Variants in CENPX observed in about 807,000 individuals in gnomAD.
CENPX encodes the protein FANCM associated histone fold protein 2.
CENPX carries 13 observed loss-of-function variants against 13.2 expected under a neutral mutation model. The observed-to-expected ratio is 0.98, with a 90% CI of 0.64 to 1.56. The LOEUF (loss-of-function observed/expected upper bound fraction) is 1.56, where lower values mean the gene tolerates loss of function less well. Ranked by LOEUF, CENPX falls within the 40% of genes most tolerant of loss-of-function variation. The pLI, the probability that CENPX is intolerant of heterozygous loss-of-function variation, is 0.00. For synonymous variants in CENPX, 66 were observed against 47.2 expected (o/e 1.40, Z -1.63); for missense variants, 138 against 107.5 (o/e 1.28, Z -1.26).
At chr17:82,022,293 G>A (rs1204048370) in intron 1 of CENPX, among the ~76,000 whole-genome samples, 2 of 152,248 alleles carry the variant, frequency 1.3e-5, no homozygotes, top group Admixed American at 6.5e-5. Flanking sequence ...TCCACTGGCA[G>A]GTGGGGTTAA....
At chr17:82,020,137 T>C (rs1342294062) in intron 1 of CENPX, among the ~76,000 whole-genome samples, 3 of 152,204 alleles carry the variant, frequency 2.0e-5, no homozygotes, top group Admixed American at 2.0e-4. Context: ...GCACAGGGTC[T>C]GGGCTGGGAG....
chr17:82,019,120 CT>C lies in CENPX; in HGVS notation c.*84del. 6.7e-7 allele frequency: 1 copy of C among 1,483,030 alleles called. No individual in the cohort carries two copies. Among genetic ancestry groups the C allele is most frequent in the Non-Finnish European group, 9.0e-7 (1 of 1,115,686 alleles). The allele number at this position is 1,483,030 out of a possible 1,614,324, so 91.9% of individuals were successfully genotyped here. A position where few individuals can be genotyped will look rare whatever the true frequency, so the allele number is the denominator to read the frequency against. On this transcript the variant is annotated 3_prime_UTR_variant, in exon 5 of 5. Coordinates refer to ENST00000392359, the MANE Select transcript of CENPX (RefSeq NM_001271006.2). ...AAATCCTTCAGGTCCTTCCCTGCCT[CT>C]TATCAGAGGCCGCTGGAAACACAAG...
intron 1 of CENPX, among the ~76,000 whole-genome samples, chr17:82,021,464 C>T (rs956478921): frequency 6.6e-6 from 1 of 152,266 alleles, no homozygotes; most frequent in Non-Finnish European, 1.5e-5. Flanking sequence ...GTGGCGGATG[C>T]CAGGTCTGCC....
At chr17:82,022,779 G>C (rs1247931519) in intron 1 of CENPX, 47 bp downstream of exon 1, 2 of 1,547,554 alleles carry the variant, frequency 1.3e-6, no homozygotes, top group Non-Finnish European at 1.7e-6. Context: ...GCGTGAGGTC[G>C]GGACGGAGCG....
Position 82,019,659 on chromosome 17 carries a change from G to C in CENPX, c.124C>G (p.Leu42Val). 1 of 1,550,298 alleles carries C rather than the reference G, an allele frequency of 6.5e-7. No individual in the cohort carries two copies. Among genetic ancestry groups the C allele is most frequent in the Non-Finnish European group, 8.7e-7 (1 of 1,146,958 alleles). Residue 42 changes from leucine to valine, a missense_variant, in exon 3 of 5, where the codon CTG becomes GTG. Transcript: ENST00000392359. ...GDALQLMVEL[L>V]KVFVVEAAVR... ...GGCTCACCCACAACGAAGACCTTCA[G>C]CAACTCCACCATGAGCTGCAGCGCG...
rs1335821672 is a variant in CENPX at position 82,019,307 on chromosome 17, CCTT to C, written c.214_216del (p.Lys72del). On this transcript the variant is annotated inframe_deletion, in exon 4 of 5. Transcript: ENST00000392359. ...CGCTCACGCACCAGCTGCGGAAGCA[CCTT>C]CTCCAGCTGGTCCACGTCCACACGG... is the stretch of plus-strand genomic sequence containing the variant. The C allele has an allele frequency of 1.9e-6, 3 of 1,592,898 alleles. No individual in the cohort carries two copies. Among genetic ancestry groups the C allele is most frequent in the African/African-American group, 1.3e-5 (1 of 74,912 alleles).
chr17:82,019,539 T>C (rs942150819), intron 3 of CENPX, 102 bp downstream of exon 3: 4 of 1,543,692 alleles, frequency 2.6e-6, no homozygotes, highest in Non-Finnish European at 3.5e-6. Flanking sequence ...GACCCAAGTT[T>C]AGGCCCTTGT....
chr17:82,018,824 G>C lies in CENPX; in HGVS notation c.*381C>G. The C allele has an allele frequency of 3.1e-6, 1 of 320,548 alleles. No individual in the cohort carries two copies. Among genetic ancestry groups the C allele is most frequent in the South Asian group, 1.6e-4 (1 of 6,396 alleles). 19.9% of individuals were successfully genotyped at this position (320,548 alleles called of 1,614,324 possible). On this transcript the variant is annotated 3_prime_UTR_variant, in exon 5 of 5. Transcript: ENST00000392359. ...GGTCACACGCCAGCTTTGATGTCGGGTGGCAGGAATGTGGGCAGGAGGCAG... is the reference window on the plus strand; with the variant it reads ...GGTCACACGCCAGCTTTGATGTCGGCTGGCAGGAATGTGGGCAGGAGGCAG...
chr17:82,019,242 G>GGGCC, intron 4 of CENPX, 23 bp from the exon 5 acceptor site: 1 of 1,596,320 alleles, frequency 6.3e-7, no homozygotes, highest in South Asian at 1.1e-5. Context: ...GAAGCACTTA[G>GGGCC]GGCCAGCCAG....
chr17:82,022,869 G>T lies in CENPX; in HGVS notation c.-8C>A. ...AGCTCCTGCTCCCTCCATGACCGCA[G>T]CCTCAACGCGCGCCCACCGGAACCC... On this transcript the variant is annotated 5_prime_UTR_variant, in exon 1 of 5. The change creates a new upstream start codon in the 5' untranslated region. Transcript: ENST00000392359. 1 of 1,589,120 alleles carries T rather than the reference G, an allele frequency of 6.3e-7. No homozygotes were observed. The highest frequency in any genetic ancestry group is 8.5e-7 in the Non-Finnish European group (1 of 1,171,126).
chr17:82,021,416 T>A (rs2144126951), intron 1 of CENPX, among the ~76,000 whole-genome samples: 1 of 152,336 alleles, frequency 6.6e-6, no homozygotes, highest in South Asian at 2.1e-4. Context: ...CCCCCAACAC[T>A]GCTGCCCCAG....
Position 82,022,866 on chromosome 17 carries a change from G to T in CENPX, c.-5C>A, listed in dbSNP as rs370146265. 5 of 1,590,410 alleles carry T rather than the reference G, an allele frequency of 3.1e-6. No homozygotes were observed. The highest frequency in any genetic ancestry group is 3.4e-6 in the Non-Finnish European group (4 of 1,171,596). On this transcript the variant is annotated 5_prime_UTR_variant, in exon 1 of 5. Transcript: ENST00000392359. ...TCCAGCTCCTGCTCCCTCCATGACCGCAGCCTCAACGCGCGCCCACCGGAA... is the reference window on the plus strand; with the variant it reads ...TCCAGCTCCTGCTCCCTCCATGACCTCAGCCTCAACGCGCGCCCACCGGAA...
At position 82,022,840 on chromosome 17, in the gene CENPX, A is replaced by C; in HGVS notation, c.22T>G (p.Ser8Ala). Residue 8 changes from serine to alanine, a missense_variant, in exon 1 of 5, where the codon TCC (serine) becomes GCC (alanine). Ser to Ala is a moderately conservative substitution (Grantham distance 99). Transcript: ENST00000392359. ...CCGGCCCTCACCTTCCGGAAGCCGG[A>C]TCCAGCTCCTGCTCCCTCCATGACC... MEGAGAGSGFRKELVSRL... is the reference protein window; with the variant it reads MEGAGAGAGFRKELVSRL... 1 of 1,593,210 alleles carries C rather than the reference A, an allele frequency of 6.3e-7. No homozygotes were observed. The highest frequency in any genetic ancestry group is 8.5e-7 in the Non-Finnish European group (1 of 1,172,522).
At chr17:82,019,601 C>T (rs531202646) in intron 3 of CENPX, 40 bp downstream of exon 3, 171 of 1,550,016 alleles carry the variant, frequency 1.1e-4, no homozygotes, top group Non-Finnish European at 1.4e-4. Flanking sequence ...CGCAAAATTC[C>T]GGATGCTGTG....
At chr17:82,019,619 G>A in intron 3 of CENPX, 22 bp downstream of exon 3, 1 of 1,550,250 alleles carries the variant, frequency 6.5e-7, no homozygotes, top group Non-Finnish European at 8.7e-7. Context: ...GTGCCCGGAG[G>A]GAGCGTGGGC....
Position 82,019,848 on chromosome 17 carries a change from C to T in CENPX, c.88+10G>A, listed in dbSNP as rs1309388366. The T allele has an allele frequency of 6.3e-7, 1 of 1,599,452 alleles. No individual in the cohort carries two copies. The highest frequency in any genetic ancestry group is 2.2e-5 in the East Asian group (1 of 44,592). On this transcript the variant is annotated intron_variant, in intron 2 of 4. Transcript: ENST00000392359. ...GGGGACCCACCTCCCGCCCGCACCC[C>T]CACCCGCACCTTTGGTCTTGTCATC...
intron 1 of CENPX, among the ~76,000 whole-genome samples, chr17:82,021,253 T>G (rs1279725305): frequency 6.6e-6 from 1 of 152,224 alleles, no homozygotes; most frequent in Non-Finnish European, 1.5e-5. Flanking sequence ...TCCCGGCTCG[T>G]CCTGAGCCCT....
rs956871377 is a variant in CENPX at position 82,022,877 on chromosome 17, G to A, written c.-16C>T. ...CTCCCTCCATGACCGCAGCCTCAAC[G>A]CGCGCCCACCGGAACCCCGCCCCGC... On this transcript the variant is annotated 5_prime_UTR_variant, in exon 1 of 5. Transcript: ENST00000392359. 4 of 1,585,022 alleles carry A rather than the reference G, an allele frequency of 2.5e-6. No individual in the cohort carries two copies. Among genetic ancestry groups the A allele is most frequent in the South Asian group, 2.3e-5 (2 of 87,866 alleles).
intron 1 of CENPX, among the ~76,000 whole-genome samples, chr17:82,020,867 GGGTGGCAGCTGCAGT>G (rs1402140292): frequency 6.6e-6 from 1 of 152,232 alleles, no homozygotes; most frequent in Non-Finnish European, 1.5e-5. Context: ...CAGGAGTGGT[GGGTGGCAGCTGCAGT>G]GGTGGCGGCC....
Sources: allele counts gnomAD v4.1 joint callset (sites outside exome capture counted in the v4.1 genomes callset), GRCh38; gene constraint gnomAD v4.1.1; transcripts MANE v1.5; gene names NCBI Gene and HGNC (gene_info 2026-07-23, HGNC 2026-07-21).